Variants in CDYL2 observed in about 807,000 individuals in gnomAD.
CDYL2 encodes chromodomain Y-like protein 2.
Under a neutral mutation model 49.4 loss-of-function variants are expected in CDYL2, and 23 were observed. The observed-to-expected ratio is 0.47, with a 90% CI of 0.34 to 0.66. CDYL2 has a LOEUF of 0.66. Ranked by LOEUF, CDYL2 falls within the 30% of genes least tolerant of loss-of-function variation. The pLI is 0.01. For synonymous variants in CDYL2, 360 were observed against 268.8 expected, an observed-to-expected ratio of 1.34 and a Z score of -3.32; for missense variants, 678 against 656.4, an observed-to-expected ratio of 1.03 and a Z score of -0.36.
intron 1 of CDYL2, among the ~76,000 whole-genome samples, chr16:80,694,582 T>G (rs371598393): frequency 6.6e-6 from 1 of 152,224 alleles, no homozygotes; most frequent in African/African-American, 2.4e-5. Flanking sequence ...AAACTCATGT[T>G]TACTTTAATA....
chr16:80,765,506 G>C (rs1170379801), intron 1 of CDYL2, among the ~76,000 whole-genome samples: 1 of 151,786 alleles, frequency 6.6e-6, no homozygotes, highest in Non-Finnish European at 1.5e-5. Flanking sequence ...CTGGAAAACA[G>C]CCTGGCAGTT....
chr16:80,652,639 C>T (rs1908632636), intron 2 of CDYL2, among the ~76,000 whole-genome samples: 2 of 152,176 alleles, frequency 1.3e-5, no homozygotes, highest in South Asian at 4.1e-4. Context: ...AGTGGAGAAA[C>T]CTGACACGCA....
At chr16:80,715,986 G>A (rs1024989160) in intron 1 of CDYL2, among the ~76,000 whole-genome samples, 5 of 152,216 alleles carry the variant, frequency 3.3e-5, no homozygotes, top group South Asian at 2.1e-4. Context: ...CTGTGGTTAC[G>A]CCCTTGGGCA....
intron 1 of CDYL2, among the ~76,000 whole-genome samples, chr16:80,687,574 A>C (rs541680179): frequency 2.5e-4 from 38 of 152,134 alleles, no homozygotes; most frequent in East Asian, 2.3e-3. Flanking sequence ...GGCTGGCTGG[A>C]TGGATGGATG....
intron 2 of CDYL2, among the ~76,000 whole-genome samples, chr16:80,644,081 A>G (rs748068542): frequency 6.6e-6 from 1 of 152,156 alleles, no homozygotes; most frequent in Non-Finnish European, 1.5e-5. Context: ...CACCCAAGTC[A>G]CCTCTTGAAT....
At chr16:80,684,494 C>T (rs763883018) in intron 2 of CDYL2, 44 bp downstream of exon 2, 8 of 1,561,682 alleles carry the variant, frequency 5.1e-6, no homozygotes, top group South Asian at 2.4e-5. Flanking sequence ...GCTCCCCTTT[C>T]GCCATGGCCA....
chr16:80,697,885 G>C (rs993155570), intron 1 of CDYL2, among the ~76,000 whole-genome samples: 6 of 152,050 alleles, frequency 3.9e-5, no homozygotes, highest in African/African-American at 1.4e-4. Flanking sequence ...AACATTGGTG[G>C]AAAAAATTAA....
chr16:80,613,158 G>C (rs552678386), intron 4 of CDYL2, among the ~76,000 whole-genome samples: 20 of 152,142 alleles, frequency 1.3e-4, no homozygotes, highest in African/African-American at 4.1e-4. Flanking sequence ...CCTAGATATT[G>C]ACAGAATTTC....
At chr16:80,708,505 A>G (rs77734993) in intron 1 of CDYL2, among the ~76,000 whole-genome samples, 6,966 of 152,268 alleles carry the variant, frequency 0.046, 171 homozygotes, top group East Asian at 0.096. Context: ...AGTCTCGGGT[A>G]GGCTTTACTA....
intron 1 of CDYL2, among the ~76,000 whole-genome samples, chr16:80,777,102 G>A (rs146175915): frequency 1.3e-5 from 2 of 152,118 alleles, no homozygotes; most frequent in Admixed American, 1.3e-4. Context: ...GATTACAGGC[G>A]TGAGTCACCG....
chr16:80,781,531 T>C (rs146722254), intron 1 of CDYL2, among the ~76,000 whole-genome samples: 2 of 152,124 alleles, frequency 1.3e-5, no homozygotes, highest in Admixed American at 1.3e-4. Flanking sequence ...GTAAACCTAT[T>C]AGACCTAACA....
chr16:80,730,017 C>A (rs904409409), intron 1 of CDYL2, among the ~76,000 whole-genome samples: 4 of 152,086 alleles, frequency 2.6e-5, no homozygotes, highest in African/African-American at 7.2e-5. Context: ...CCAAAACTGA[C>A]ACCCTAACAT....
At chr16:80,795,454 T>C (rs754056826) in intron 1 of CDYL2, among the ~76,000 whole-genome samples, 10 of 152,202 alleles carry the variant, frequency 6.6e-5, no homozygotes, top group Non-Finnish European at 1.3e-4. Flanking sequence ...TATAAAGTCC[T>C]GGTCAATGAA....
chr16:80,779,055 T>A (rs907075606), intron 1 of CDYL2, among the ~76,000 whole-genome samples: 1 of 151,816 alleles, frequency 6.6e-6, no homozygotes, highest in Non-Finnish European at 1.5e-5. Context: ...TATTTTGTCA[T>A]GAGGATAGCC....
At chr16:80,608,539 A>T (rs970970962) in intron 5 of CDYL2, among the ~76,000 whole-genome samples, 8 of 152,272 alleles carry the variant, frequency 5.3e-5, no homozygotes, top group African/African-American at 1.9e-4. Context: ...GTGGGTTGGG[A>T]AGATTTCAGA....
intron 1 of CDYL2, among the ~76,000 whole-genome samples, chr16:80,766,194 T>C (rs890689130): frequency 1.2e-4 from 18 of 152,060 alleles, no homozygotes; most frequent in African/African-American, 4.1e-4. Flanking sequence ...TGCACAACTC[T>C]GTGAATGCAC....
At chr16:80,704,794 G>A (rs531475395) in intron 1 of CDYL2, among the ~76,000 whole-genome samples, 1 of 152,236 alleles carries the variant, frequency 6.6e-6, no homozygotes, top group Non-Finnish European at 1.5e-5. Flanking sequence ...AGGCCACGTG[G>A]CTGAAGCCAA....
At chr16:80,678,481 C>T (rs1468145275) in intron 2 of CDYL2, among the ~76,000 whole-genome samples, 1 of 152,232 alleles carries the variant, frequency 6.6e-6, no homozygotes, top group South Asian at 2.1e-4. Context: ...CAAAAGAAGA[C>T]ATTTATGCAG....
At chr16:80,752,906 G>A (rs2142565396) in intron 1 of CDYL2, among the ~76,000 whole-genome samples, 1 of 152,284 alleles carries the variant, frequency 6.6e-6, no homozygotes, top group African/African-American at 2.4e-5. Context: ...TCAGGAAGAA[G>A]GAAATCTATC....
Sources: gnomAD v4.1 joint callset for allele counts (sites outside exome capture counted in the v4.1 genomes callset) on GRCh38, gnomAD v4.1.1 for gene constraint, MANE v1.5 for transcripts, NCBI Gene and HGNC (gene_info 2026-07-23, HGNC 2026-07-21) for gene names.